NAA11: variants seen among roughly 807,000 people sequenced by gnomAD.
The protein encoded by NAA11 is N-alpha-acetyltransferase 11.
NAA11 carries 15 observed loss-of-function variants against 16.1 expected under a neutral mutation model. That is an observed-to-expected ratio of 0.93 (90% CI 0.62 to 1.44). The LOEUF (loss-of-function observed/expected upper bound fraction) is 1.44. Ranked by LOEUF, NAA11 falls within the 40% of genes most tolerant of loss-of-function variation. NAA11 has a pLI of 0.00. For synonymous variants in NAA11, 122 were observed against 112.4 expected (o/e 1.09, Z -0.54); for missense variants, 298 against 291.3 (o/e 1.02, Z -0.17).
At chr4:79,208,468 AAT>A in the NAA11 span, among the ~76,000 whole-genome samples, 2 of 152,188 alleles carry the variant, frequency 1.3e-5, no homozygotes, top group African/African-American at 4.8e-5. Flanking sequence ...TTCTGACTGA[AAT>A]AGATATACAT....
rs537833746 is a variant in NAA11 at position 79,317,358 on chromosome 4, T to C, written c.*446A>G. 5 of 152,316 alleles carry C rather than the reference T, an allele frequency of 3.3e-5. No individual in the cohort carries two copies. The highest frequency in any genetic ancestry group is 7.2e-5 in the African/African-American group (3 of 41,572). 9.4% of individuals were successfully genotyped at this position (152,316 alleles called of 1,614,324 possible). A position where few individuals can be genotyped will look rare whatever the true frequency, so the allele number is the denominator to read the frequency against. On this transcript the variant is annotated 3_prime_UTR_variant, in exon 2 of 2. Transcript: ENST00000286794. ...TGAGGTCTGACTTCATGGTCCTGAC[T>C]ACTTCACCTCCTCAAGGATGAAAAC...
At chr4:79,161,743 C>T in the NAA11 span, among the ~76,000 whole-genome samples, 118 of 150,548 alleles carry the variant, frequency 7.8e-4, no homozygotes, top group African/African-American at 2.4e-3. Flanking sequence ...GGCATGATCT[C>T]GGCTCACTGC....
chr4:79,250,489 G>A (rs1721970226), intron 2 of NAA11, among the ~76,000 whole-genome samples: 1 of 152,180 alleles, frequency 6.6e-6, no homozygotes, highest in Non-Finnish European at 1.5e-5. Context: ...ACTCAAGATG[G>A]ATTGAGACCC....
chr4:79,277,755 A>G (rs1182212566), intron 2 of NAA11, among the ~76,000 whole-genome samples: 1 of 152,026 alleles, frequency 6.6e-6, no homozygotes, highest in Non-Finnish European at 1.5e-5. Context: ...AATCGGAATT[A>G]GTTTAGCCTG....
At chr4:79,294,426 T>C (rs915088952) in intron 1 of NAA11, among the ~76,000 whole-genome samples, 1 of 152,192 alleles carries the variant, frequency 6.6e-6, no homozygotes, top group African/African-American at 2.4e-5. Context: ...GGAAAGAAAT[T>C]GAAGTTTATA....
intron 1 of NAA11, among the ~76,000 whole-genome samples, chr4:79,301,825 A>G (rs1398816364): frequency 6.6e-6 from 1 of 152,196 alleles, no homozygotes; most frequent in East Asian, 1.9e-4. Context: ...ACCCTTTACA[A>G]CAATAGCTAA....
intron 1 of NAA11, among the ~76,000 whole-genome samples, chr4:79,319,902 T>TTCA (rs1448781565): frequency 6.6e-6 from 1 of 152,236 alleles, no homozygotes; most frequent in Admixed American, 6.5e-5. Context: ...AACAGTCTAT[T>TTCA]TCAGTGACTG....
chr4:79,195,992 G>C, the NAA11 span: 3 of 152,112 alleles, frequency 2.0e-5, no homozygotes, highest in Non-Finnish European at 2.9e-5. Flanking sequence ...GTCTTTATTA[G>C]CAGTGTGAGA....
the NAA11 span, among the ~76,000 whole-genome samples, chr4:79,189,075 G>A: frequency 6.9e-6 from 1 of 145,270 alleles, no homozygotes; most frequent in South Asian, 2.3e-4. Context: ...GAACCCGGGA[G>A]GCGGAGCTTG....
At chr4:79,311,567 G>A (rs1014172704) in intron 1 of NAA11, among the ~76,000 whole-genome samples, 5 of 152,148 alleles carry the variant, frequency 3.3e-5, no homozygotes, top group African/African-American at 1.2e-4. Flanking sequence ...ATTTAGTTTT[G>A]ATAGGGTTGC....
chr4:79,195,814 G>A, the NAA11 span: 2 of 152,034 alleles, frequency 1.3e-5, no homozygotes, highest in South Asian at 2.1e-4. Context: ...TTTTATAAGG[G>A]GCTTTTCACC....
intron 2 of NAA11, among the ~76,000 whole-genome samples, chr4:79,274,336 G>A (rs562270114): frequency 9.2e-5 from 14 of 152,138 alleles, no homozygotes; most frequent in African/African-American, 3.4e-4. Context: ...TGAAGTACAG[G>A]GGGGAAAGGC....
chr4:79,204,928 T>TACACACACAC, the NAA11 span, among the ~76,000 whole-genome samples: 73,094 of 147,584 alleles, frequency 0.5, 19,628 homozygotes, highest in Non-Finnish European at 0.6. Flanking sequence ...ATGGTGTGTA[T>TACACACACAC]ACACACACAC....
At chr4:79,268,759 G>C (rs1365081897) in intron 2 of NAA11, among the ~76,000 whole-genome samples, 1 of 151,578 alleles carries the variant, frequency 6.6e-6, no homozygotes, top group Non-Finnish European at 1.5e-5. Flanking sequence ...GTGCAAGTTA[G>C]TTACATATGT....
chr4:79,245,842 G>A (rs1283782690), intron 2 of NAA11, among the ~76,000 whole-genome samples: 1 of 152,210 alleles, frequency 6.6e-6, no homozygotes, highest in Non-Finnish European at 1.5e-5. Flanking sequence ...GGGAAGTGAG[G>A]AGCCCCTCTG....
At chr4:79,280,358 T>G (rs1722756059) in intron 2 of NAA11, among the ~76,000 whole-genome samples, 2 of 152,120 alleles carry the variant, frequency 1.3e-5, no homozygotes. Context: ...TCCAGGTTAA[T>G]TAAATGTTAT....
chr4:79,189,002 C>T, the NAA11 span, among the ~76,000 whole-genome samples: 1 of 151,698 alleles, frequency 6.6e-6, no homozygotes, highest in Non-Finnish European at 1.5e-5. Flanking sequence ...GAGGCCGAGC[C>T]GGGCGTGGTG....
chr4:79,322,927 C>A (rs944399137), intron 1 of NAA11, among the ~76,000 whole-genome samples: 2 of 151,974 alleles, frequency 1.3e-5, no homozygotes, highest in African/African-American at 4.8e-5. Context: ...TGAACTGTAA[C>A]TGAATGAAAA....
chr4:79,174,991 C>T, the NAA11 span, among the ~76,000 whole-genome samples: 1 of 152,080 alleles, frequency 6.6e-6, no homozygotes, highest in Non-Finnish European at 1.5e-5. Context: ...AACATAATTT[C>T]TTCTTGAAGC....
Sources: gnomAD v4.1 joint callset for allele counts (sites outside exome capture counted in the v4.1 genomes callset) on GRCh38, gnomAD v4.1.1 for gene constraint, MANE v1.5 for transcripts, NCBI Gene and HGNC (gene_info 2026-07-23, HGNC 2026-07-21) for gene names.